RAB33A: variants seen among roughly 807,000 people sequenced by gnomAD.
RAB33A encodes the protein RAB33A, member RAS oncogene family, also known as ras-related protein Rab-33A.
Under a neutral mutation model 12.0 loss-of-function variants are expected in RAB33A, and 6 were observed. The observed-to-expected ratio is 0.50, with a 90% CI of 0.27 to 0.99. The LOEUF is 0.99. Among genes scored for constraint, RAB33A ranks in the 50% least tolerant of loss-of-function variants. The pLI is 0.11. For synonymous variants in RAB33A, 70 were observed against 82.4 expected (o/e 0.85, Z 0.81); for missense variants, 109 against 192.0 (o/e 0.57, Z 2.55).
chrX:130,116,986 G>A, the RAB33A span, among the ~76,000 whole-genome samples: 3 of 112,149 alleles, frequency 2.7e-5, no homozygotes, highest in East Asian at 8.5e-4. Context: ...GGCCAAGGTG[G>A]GCGGATCACG....
the RAB33A span, chrX:130,140,711 T>G: frequency 6.9e-4 from 472 of 685,039 alleles, 2 homozygotes; most frequent in African/African-American, 9.1e-3. Flanking sequence ...TTCACCATTT[T>G]AAAGTGTGGA....
Position 130,184,816 on chromosome X carries a change from T to A in RAB33A, c.*76T>A, listed in dbSNP as rs1310123820. 1 of 880,096 alleles carries A rather than the reference T, an allele frequency of 1.1e-6. No individual in the cohort carries two copies. Among genetic ancestry groups the A allele is most frequent in the Non-Finnish European group, 1.6e-6 (1 of 631,327 alleles). 72.5% of individuals were successfully genotyped at this position (880,096 alleles called of 1,213,427 possible). ...CCTTTTTTCTGTGCCTGCATAATGC[T>A]GACACCTGCTTGTTTCCATACAAAT... On this transcript the variant is annotated 3_prime_UTR_variant, in exon 2 of 2. Coordinates refer to ENST00000257017, the MANE Select transcript of RAB33A (RefSeq NM_004794.3).
At chrX:130,176,959 G>A (rs1175941177) in intron 1 of RAB33A, among the ~76,000 whole-genome samples, 1 of 112,464 alleles carries the variant, frequency 8.9e-6, no homozygotes, top group Non-Finnish European at 1.9e-5. Context: ...GCCAGTTAAT[G>A]TTTCCTAGGG....
At chrX:130,157,424 G>A in the RAB33A span, among the ~76,000 whole-genome samples, 16 of 111,828 alleles carry the variant, frequency 1.4e-4, no homozygotes, top group Admixed American at 7.6e-4. Context: ...ATTACTCCTC[G>A]TGTTTGTTGA....
intron 1 of RAB33A, among the ~76,000 whole-genome samples, chrX:130,177,836 G>A (rs1038533122): frequency 4.5e-5 from 5 of 111,858 alleles, no homozygotes; most frequent in African/African-American, 1.3e-4. Flanking sequence ...CAAGGATCTG[G>A]GGTACATGTA....
chrX:130,133,036 C>G, the RAB33A span, among the ~76,000 whole-genome samples: 2 of 111,614 alleles, frequency 1.8e-5, no homozygotes, highest in African/African-American at 6.5e-5. Context: ...GGTGCCATCT[C>G]CATTCATTCA....
chrX:130,168,158 C>T (rs1943284820), upstream of RAB33A, among the ~76,000 whole-genome samples: 1 of 108,731 alleles, frequency 9.2e-6, no homozygotes, highest in African/African-American at 3.4e-5. Context: ...GCCTGGATGA[C>T]AGAGCGAGAC....
the RAB33A span, among the ~76,000 whole-genome samples, chrX:130,154,558 T>C: frequency 8.9e-6 from 1 of 112,228 alleles, no homozygotes; most frequent in East Asian, 2.8e-4. Context: ...CAGCCACTAG[T>C]TTGACCAAAT....
the RAB33A span, among the ~76,000 whole-genome samples, chrX:130,119,591 G>A: frequency 9.0e-6 from 1 of 111,450 alleles, no homozygotes; most frequent in South Asian, 3.8e-4. Context: ...ACACCTTGGG[G>A]AGGGGTCTGG....
the RAB33A span, chrX:130,156,755 T>G: frequency 1.6e-6 from 1 of 639,693 alleles, no homozygotes; most frequent in Non-Finnish European, 2.4e-6. Flanking sequence ...ACTGCATATA[T>G]AAATACTACA....
chrX:130,139,319 G>A, the RAB33A span, among the ~76,000 whole-genome samples: 19 of 108,058 alleles, frequency 1.8e-4, no homozygotes, highest in African/African-American at 4.4e-4. Flanking sequence ...GTGATAGAGC[G>A]AGATTCAGTC....
the RAB33A span, among the ~76,000 whole-genome samples, chrX:130,152,814 C>T: frequency 8.9e-6 from 1 of 111,844 alleles, no homozygotes; most frequent in Non-Finnish European, 1.9e-5. Context: ...CAGTGTTTTT[C>T]AAACTGTGGT....
intron 1 of RAB33A, among the ~76,000 whole-genome samples, chrX:130,183,959 G>A (rs1456926852): frequency 2.7e-5 from 3 of 111,095 alleles, no homozygotes; most frequent in South Asian, 3.8e-4. Flanking sequence ...GCGTGATCTC[G>A]GCTCACTGCA....
chrX:130,173,246 G>C (rs2031631007), intron 1 of RAB33A, among the ~76,000 whole-genome samples: 1 of 111,922 alleles, frequency 8.9e-6, no homozygotes, highest in African/African-American at 3.2e-5. Flanking sequence ...CGGGAGGGAG[G>C]ACATAACAAG....
chrX:130,166,173 G>A, the RAB33A span, among the ~76,000 whole-genome samples: 3 of 111,681 alleles, frequency 2.7e-5, no homozygotes, highest in Non-Finnish European at 5.6e-5. Flanking sequence ...ACTTGATACC[G>A]AAGCCTTCCT....
the RAB33A span, chrX:130,165,542 G>C: frequency 8.5e-7 from 1 of 1,181,344 alleles, no homozygotes. Flanking sequence ...CCTGGAATGG[G>C]TCAGTCACCT....
chrX:130,153,689 T>C, the RAB33A span, among the ~76,000 whole-genome samples: 1 of 109,804 alleles, frequency 9.1e-6, no homozygotes, highest in African/African-American at 3.3e-5. Flanking sequence ...GACACCGGAG[T>C]TCCCTTGCTC....
chrX:130,175,118 C>T (rs2031651160), intron 1 of RAB33A, among the ~76,000 whole-genome samples: 1 of 111,872 alleles, frequency 8.9e-6, no homozygotes, highest in African/African-American at 3.3e-5. Context: ...GTATTGTTAT[C>T]ATTCCCATTT....
At chrX:130,116,939 T>C in the RAB33A span, among the ~76,000 whole-genome samples, 9 of 111,899 alleles carry the variant, frequency 8.0e-5, no homozygotes, top group East Asian at 5.7e-4. Context: ...ATTGGCCGGG[T>C]GCTGTGGCTC....
Sources: allele counts gnomAD v4.1 joint callset (sites outside exome capture counted in the v4.1 genomes callset), GRCh38; gene constraint gnomAD v4.1.1; transcripts MANE v1.5; gene names NCBI Gene and HGNC (gene_info 2026-07-23, HGNC 2026-07-21).